The following MED6 variants were observed in gnomAD, a reference collection of about 807,000 sequenced individuals.
The protein encoded by MED6 is mediator of RNA polymerase II transcription subunit 6.
A neutral mutation model predicts 37.5 loss-of-function variants in MED6; 33 were observed. The observed-to-expected ratio is 0.88, with a 90% CI of 0.67 to 1.18. The LOEUF (loss-of-function observed/expected upper bound fraction) is 1.18, where lower values mean the gene tolerates loss of function less well. MED6 is among the 50% of genes most tolerant of loss of function. The pLI is 0.00. For synonymous variants in MED6, 94 were observed against 93.6 expected, an observed-to-expected ratio of 1.00 and a Z score of -0.02; for missense variants, 235 against 290.6, an observed-to-expected ratio of 0.81 and a Z score of 1.39.
Position 70,596,674 on chromosome 14 carries a change from A to G in MED6, c.211T>C (p.Leu71=), listed in dbSNP as rs943309436. The change falls in exon 3 of 8, where the codon TTG becomes CTG. Residue 71 remains leucine, a synonymous_variant. Coordinates refer to ENST00000256379, the MANE Select transcript of MED6 (RefSeq NM_005466.4). ...AAAAGAATGGGCTCTTGAGCATGCA[A>G]AAGGATGTACTCGATTCCAACCATC... is the stretch of plus-strand genomic sequence containing the variant. ...NQMVGIEYIL[L]HAQEPILFII... The G allele has an allele frequency of 3.8e-5, 62 of 1,613,934 alleles. No individual in the cohort carries two copies. Among genetic ancestry groups the G allele is most frequent in the Non-Finnish European group, 5.2e-5 (61 of 1,179,936 alleles).
chr14:70,584,971 A>G (rs1566672997), intron 7 of MED6, 28 bp from the exon 8 acceptor site: 1 of 1,608,624 alleles, frequency 6.2e-7, no homozygotes, highest in East Asian at 2.2e-5. Flanking sequence ...ATTTTTTGGG[A>G]GGGAGATATG....
chr14:70,584,797 C>T lies in MED6; in HGVS notation c.*16G>A, dbSNP rs183311264. On this transcript the variant is annotated 3_prime_UTR_variant, in exon 8 of 8. Coordinates refer to ENST00000256379, the MANE Select transcript of MED6 (RefSeq NM_005466.4). ...CTAGCATGAGGAGTCTTCCAGGCTT[C>T]TCTTTTGTCCAGTACTCACTGAAGT... is the stretch of plus-strand genomic sequence containing the variant. 7.5e-6 allele frequency: 12 copies of T among 1,608,806 alleles called. No homozygotes were observed. Among genetic ancestry groups the T allele is most frequent in the Non-Finnish European group, 8.5e-6 (10 of 1,178,598 alleles).
intron 6 of MED6, among the ~76,000 whole-genome samples, chr14:70,588,498 A>T (rs2139591122): frequency 6.6e-6 from 1 of 152,044 alleles, no homozygotes; most frequent in South Asian, 2.1e-4. Flanking sequence ...ATCCTGGCTA[A>T]CGCGGTGAAA....
chr14:70,590,884 T>C (rs1884849869), intron 6 of MED6, among the ~76,000 whole-genome samples: 2 of 152,372 alleles, frequency 1.3e-5, no homozygotes, highest in Middle Eastern at 3.4e-3. Context: ...GTGTTAACTA[T>C]TCTATCATTT....
chr14:70,595,380 G>T, intron 3 of MED6: 1 of 569,850 alleles, frequency 1.8e-6, no homozygotes, highest in Non-Finnish European at 3.4e-6. Context: ...CACCACAGTG[G>T]TCACTATGCA....
intron 6 of MED6, among the ~76,000 whole-genome samples, chr14:70,588,220 T>A (rs919428829): frequency 2.6e-5 from 4 of 152,202 alleles, no homozygotes; most frequent in African/African-American, 9.6e-5. Context: ...TTCTCCTAGT[T>A]ATGTTACACA....
rs11844731 is a variant in MED6, at chr14:70,583,998, C to T, written c.*815G>A. On this transcript the variant is annotated 3_prime_UTR_variant, in exon 8 of 8. Coordinates refer to ENST00000256379, the MANE Select transcript of MED6 (RefSeq NM_005466.4). ...TTTATTGAAAAAAGAAGTATCTACA[C>T]ACAGAATAAGATTAAAATTCACAAC... 0.031 allele frequency: 14,324 copies of T among 458,558 alleles called. 666 individuals are homozygous for T. Among genetic ancestry groups the T allele is most frequent in the African/African-American group, 0.15 (7,282 of 49,984 alleles). 28.4% of individuals were successfully genotyped at this position (458,558 alleles called of 1,614,324 possible).
intron 1 of MED6, 28 bp from the exon 2 acceptor site, chr14:70,597,805 G>C (rs1013429356): frequency 3.3e-6 from 5 of 1,513,280 alleles, no homozygotes; most frequent in Non-Finnish European, 4.4e-6. Context: ...AAATGATAAA[G>C]GATTAGAAAA....
Position 70,597,036 on chromosome 14 carries a change from G to A in MED6, c.183-334C>T, listed in dbSNP as rs149055932. Reference sequence around the variant, plus strand: ...CATGATGCTTCCTGACCAAATCTACGAATACATACAAAATATAAAAATAAA... The same window carrying A: ...CATGATGCTTCCTGACCAAATCTACAAATACATACAAAATATAAAAATAAA... On this transcript the variant is annotated intron_variant, in intron 2 of 7. Transcript: ENST00000256379. 5.4e-3 allele frequency among the ~76,000 whole-genome samples: 828 copies of A among 152,164 alleles called. 6 individuals carry two copies. The highest frequency in any genetic ancestry group is 0.019 in the African/African-American group (773 of 41,540).
At position 70,583,594 on chromosome 14, in the gene MED6, T is replaced by C. The variant is rs1884610435; in HGVS notation, c.*1219A>G. 6.6e-6 allele frequency: 1 copy of C among 152,222 alleles called. No homozygotes were observed. Among genetic ancestry groups the C allele is most frequent in the African/African-American group, 2.4e-5 (1 of 41,432 alleles). 9.4% of individuals were successfully genotyped at this position (152,222 alleles called of 1,614,324 possible). ...TAAATACCAAACACTGAAAAGGCAT[T>C]ATACAAAGATATAATCACAGCAGTC... is the stretch of plus-strand genomic sequence containing the variant. On this transcript the variant is annotated 3_prime_UTR_variant, in exon 8 of 8. Coordinates refer to ENST00000256379, the MANE Select transcript of MED6 (RefSeq NM_005466.4).
At chr14:70,589,001 G>A (rs554685007) in intron 6 of MED6, among the ~76,000 whole-genome samples, 2 of 151,840 alleles carry the variant, frequency 1.3e-5, no homozygotes, top group South Asian at 2.1e-4. Context: ...AGCCAGGGGC[G>A]GGGAAAAAAA....
intron 6 of MED6, 123 bp downstream of exon 6, chr14:70,591,143 A>G (rs1446096082): frequency 2.8e-6 from 2 of 724,082 alleles, no homozygotes; most frequent in African/African-American, 3.7e-5. Context: ...TACAGAGATC[A>G]TTTTTTAACT....
At chr14:70,589,899 G>A (rs965882661) in intron 6 of MED6, among the ~76,000 whole-genome samples, 3 of 152,210 alleles carry the variant, frequency 2.0e-5, no homozygotes, top group South Asian at 2.1e-4. Flanking sequence ...TCTAGATCAC[G>A]ACTGTTCAAA....
intron 5 of MED6, 32 bp downstream of exon 5, chr14:70,592,848 G>T (rs1884921719): frequency 1.2e-6 from 2 of 1,607,082 alleles, no homozygotes; most frequent in Non-Finnish European, 1.7e-6. Flanking sequence ...GGATCAAAAA[G>T]TGTTTTAGGA....
In MED6 at chr14:70,584,935, T is replaced by C; in HGVS notation, c.619A>G (p.Thr207Ala). 6.2e-7 allele frequency: 1 copy of C among 1,613,778 alleles called. No individual in the cohort carries two copies. Among genetic ancestry groups the C allele is most frequent in the Admixed American group, 1.7e-5 (1 of 59,958 alleles). ...GGTATAGGTTCTGCCTCTTTCTTTG[T>C]TTGATCCACTAGATATCAAAAGTAG... ...PGEKPVPVDQ[T>A]KKEAEPIPET... Residue 207 changes from threonine to alanine, a missense_variant, in exon 8 of 8, where the codon ACA (threonine) becomes GCA (alanine). Transcript: ENST00000256379.
chr14:70,584,926 CTT>C lies in MED6; in HGVS notation c.626_627del (p.Lys209ArgfsTer12), dbSNP rs1884659605. 4 of 1,613,716 alleles carry C rather than the reference CTT, an allele frequency of 2.5e-6. No homozygotes were observed. Among genetic ancestry groups the C allele is most frequent in the Non-Finnish European group, 1.7e-6 (2 of 1,179,880 alleles). ...EKPVPVDQTK[K>X]EAEPIPETVK... ...ACAGTTTCTGGTATAGGTTCTGCCT[CTT>C]TCTTTGTTTGATCCACTAGATATCA... On this transcript the variant is annotated frameshift_variant, in exon 8 of 8. Transcript: ENST00000256379. LOFTEE classifies it high-confidence loss of function.
intron 5 of MED6, 144 bp from the exon 6 acceptor site, chr14:70,591,525 A>G: frequency 1.6e-6 from 1 of 632,516 alleles, no homozygotes; most frequent in East Asian, 2.9e-5. Context: ...AAAATAAGGT[A>G]AACACAGCAC....
At chr14:70,595,144 C>CTACA in intron 3 of MED6, 1 of 242,676 alleles carries the variant, frequency 4.1e-6, no homozygotes, top group South Asian at 2.3e-5. Flanking sequence ...TCGGCTTCAG[C>CTACA]TACAGAGATT....
intron 5 of MED6, chr14:70,592,644 C>T (rs1884914976): frequency 2.9e-6 from 1 of 339,088 alleles, no homozygotes; most frequent in East Asian, 6.1e-5. Context: ...ATTTTAAAAC[C>T]TTGAATCACC....
Sources: allele counts gnomAD v4.1 joint callset (sites outside exome capture counted in the v4.1 genomes callset), GRCh38; gene constraint gnomAD v4.1.1; transcripts MANE v1.5; gene names NCBI Gene and HGNC (gene_info 2026-07-23, HGNC 2026-07-21).